Variants in RBP7 observed in about 807,000 individuals in gnomAD.
RBP7 encodes the protein retinoid-binding protein 7.
RBP7 carries 13 observed loss-of-function variants against 16.7 expected under a neutral mutation model. That is an observed-to-expected ratio of 0.78 (90% CI 0.51 to 1.24). The LOEUF is 1.24. Ranked by LOEUF, RBP7 falls within the 50% of genes most tolerant of loss-of-function variation. The probability of loss-of-function intolerance (pLI) is 0.00; values close to 1 mark genes in which losing one functional copy is unlikely to be tolerated. For synonymous variants in RBP7, 54 were observed against 56.2 expected, an observed-to-expected ratio of 0.96 and a Z score of 0.17; for missense variants, 145 against 159.5, an observed-to-expected ratio of 0.91 and a Z score of 0.49.
intron 1 of RBP7, among the ~76,000 whole-genome samples, chr1:10,002,939 G>C (rs912581307): frequency 6.6e-6 from 1 of 152,136 alleles, no homozygotes; most frequent in Non-Finnish European, 1.5e-5. Flanking sequence ...CCAGAAGCGG[G>C]GCTTGGGACA....
At position 10,007,602 on chromosome 1, in the gene RBP7, T is replaced by C. The variant is rs1642482471; in HGVS notation, c.106T>C (p.Leu36=). ...CTTTGCCACTCGTAAAATAGCCAAG[T>C]TGCTGAAGCCACAGAAAGTGATTGA... ...IDFATRKIAK[L]LKPQKVIEQN... is the part of the protein sequence containing the mutation. The change falls in exon 2 of 4, where the codon TTG becomes CTG. Residue 36 remains leucine (L), a synonymous_variant. Coordinates refer to ENST00000294435, the MANE Select transcript of RBP7 (RefSeq NM_052960.3). 6.2e-7 allele frequency: 1 copy of C among 1,612,436 alleles called. No individual in the cohort carries two copies. The highest frequency in any genetic ancestry group is 1.1e-5 in the South Asian group (1 of 90,496).
chr1:10,009,693 A>G (rs1642563264), intron 3 of RBP7, among the ~76,000 whole-genome samples: 1 of 151,292 alleles, frequency 6.6e-6, no homozygotes, highest in Admixed American at 6.6e-5. Context: ...CACCACACCC[A>G]GCTAGTTTTT....
Position 9,997,409 on chromosome 1 carries a change from C to CT in RBP7, c.73+79dup, listed in dbSNP as rs1033677403. 2.6e-5 allele frequency: 37 copies of CT among 1,399,268 alleles called. No homozygotes were observed. The African/African-American group carries it at 5.3e-4, about 20-fold the overall frequency. The allele number at this position is 1,399,268 out of a possible 1,614,324, so 86.7% of individuals were successfully genotyped here. On this transcript the variant is annotated intron_variant, in intron 1 of 3. Transcript: ENST00000294435. The surrounding 1 kb of genome is among the most constrained non-coding windows in gnomAD (Gnocchi z 5.9). ...TCAGGCGAAGGCGGCCGGGCCGGGC[C>CT]TGTAGGTACGTCCTCTGTCCGTGCC... is the stretch of plus-strand genomic sequence containing the variant.
intron 1 of RBP7, chr1:10,004,141 C>T (rs1642357246): frequency 6.9e-6 from 1 of 145,778 alleles, no homozygotes; most frequent in Non-Finnish European, 1.5e-5. Context: ...GGCGGGATCT[C>T]GGCTCACCGC....
intron 3 of RBP7, among the ~76,000 whole-genome samples, chr1:10,012,914 C>G (rs1642666699): frequency 7.7e-6 from 1 of 129,850 alleles, no homozygotes; most frequent in Admixed American, 8.6e-5. Context: ...GCACTCCAGC[C>G]TGGATGACAA....
At chr1:10,001,104 C>T (rs777571073) in intron 1 of RBP7, among the ~76,000 whole-genome samples, 23 of 152,208 alleles carry the variant, frequency 1.5e-4, no homozygotes, top group South Asian at 1.0e-3. Context: ...TCAAATAAGT[C>T]ACCAGCAAAT....
Position 10,007,620 on chromosome 1 carries a change from GTGATTGA to G in RBP7, c.125_131del (p.Val42GlyfsTer15), listed in dbSNP as rs1642482834. ...AGCCAAGTTGCTGAAGCCACAGAAA[GTGATTGA>G]GCAGAATGGGGATTCTTTTACCATC... On this transcript the variant is annotated frameshift_variant, in exon 2 of 4. Coordinates refer to ENST00000294435, the MANE Select transcript of RBP7 (RefSeq NM_052960.3). LOFTEE classifies it high-confidence loss of function. 2 of 1,613,960 alleles carry G rather than the reference GTGATTGA, an allele frequency of 1.2e-6. No individual in the cohort carries two copies. The highest frequency in any genetic ancestry group is 1.7e-6 in the Non-Finnish European group (2 of 1,179,942).
chr1:10,008,906 A>G (rs1557486466), intron 3 of RBP7, among the ~76,000 whole-genome samples: 1 of 152,164 alleles, frequency 6.6e-6, no homozygotes. Context: ...TAGCTACTTT[A>G]TGTATACATA....
rs1642190367 is a variant in RBP7, at chr1:9,997,230, C to T, written c.-29C>T. On this transcript the variant is annotated 5_prime_UTR_variant, in exon 1 of 4. Transcript: ENST00000294435. The surrounding 1 kb of genome is among the most constrained non-coding windows in gnomAD (Gnocchi z 5.9). ...GGTCCCGGCCCGAGCCTCCGGCCGC[C>T]CGCCGGGTTTGTCCCGCGATCCCCG... 2.5e-6 allele frequency: 4 copies of T among 1,605,784 alleles called. No individual in the cohort carries two copies. The highest frequency in any genetic ancestry group is 3.4e-6 in the Non-Finnish European group (4 of 1,176,940).
chr1:10,006,906 G>A, intron 1 of RBP7: 1 of 421,924 alleles, frequency 2.4e-6, no homozygotes, highest in Non-Finnish European at 4.6e-6. Context: ...TTATGACTGA[G>A]GCTGGGTTGG....
chr1:10,011,312 T>A (rs1323571978), intron 3 of RBP7, among the ~76,000 whole-genome samples: 2 of 152,086 alleles, frequency 1.3e-5, no homozygotes, highest in Non-Finnish European at 2.9e-5. Context: ...AACAGGGAAG[T>A]GAGTCTGTAA....
chr1:9,997,734 AG>A lies in RBP7; in HGVS notation c.73+408del, dbSNP rs1379855111. On this transcript the variant is annotated intron_variant, in intron 1 of 3. Coordinates refer to ENST00000294435, the MANE Select transcript of RBP7 (RefSeq NM_052960.3). The surrounding 1 kb of genome is among the most constrained non-coding windows in gnomAD (Gnocchi z 5.9). Reference sequence around the variant, plus strand: ...GCCGGGGAGGGGGGTCCGGCCGGGGAGGGGGCGCCCGGGACCGAAGCCTCTG... The same window carrying A: ...GCCGGGGAGGGGGGTCCGGCCGGGGAGGGGCGCCCGGGACCGAAGCCTCTG... Among the ~76,000 whole-genome samples, 1 of 151,394 alleles carries A rather than the reference AG, an allele frequency of 6.6e-6. No homozygotes were observed. Among genetic ancestry groups the A allele is most frequent in the Non-Finnish European group, 1.5e-5 (1 of 67,798 alleles).
Position 9,997,419 on chromosome 1 carries a change from G to C in RBP7, c.73+88G>C. 1.5e-6 allele frequency: 2 copies of C among 1,299,178 alleles called. No individual in the cohort carries two copies. Among genetic ancestry groups the C allele is most frequent in the South Asian group, 1.2e-5 (1 of 81,998 alleles). 80.5% of individuals were successfully genotyped at this position (1,299,178 alleles called of 1,614,324 possible). On this transcript the variant is annotated intron_variant, in intron 1 of 3. Transcript: ENST00000294435. This position sits in a 1 kb window ranked among gnomAD's most constrained non-coding sequence, Gnocchi z 5.9. Reference sequence around the variant, plus strand: ...GCGGCCGGGCCGGGCCTGTAGGTACGTCCTCTGTCCGTGCCTCCGCCCTGC... The same window carrying C: ...GCGGCCGGGCCGGGCCTGTAGGTACCTCCTCTGTCCGTGCCTCCGCCCTGC...
rs41280782 is a variant in RBP7 at position 10,015,796 on chromosome 1, A to G, written c.369A>G (p.Glu123=). ...GDKLHLEMFC[E]GQVCKQTFQR... is the part of the protein sequence containing the mutation. ...TTACGCCCTAGGAAATGTTCTGTGA[A>G]GGTCAAGTGTGCAAACAGACATTCC... is the stretch of plus-strand genomic sequence containing the variant. The change falls in exon 4 of 4, where the codon GAA becomes GAG. Residue 123 remains glutamate (E), a synonymous_variant. Coordinates refer to ENST00000294435, the MANE Select transcript of RBP7 (RefSeq NM_052960.3). 1.8e-5 allele frequency: 29 copies of G among 1,614,162 alleles called. No homozygotes were observed. The highest frequency in any genetic ancestry group is 2.4e-5 in the Non-Finnish European group (28 of 1,180,002).
chr1:10,002,190 T>C (rs2101732890), intron 1 of RBP7, among the ~76,000 whole-genome samples: 1 of 152,254 alleles, frequency 6.6e-6, no homozygotes, highest in Non-Finnish European at 1.5e-5. Context: ...AGATTAGAAG[T>C]GGCTTTGAGA....
At chr1:10,008,330 G>A in intron 3 of RBP7, 56 bp downstream of exon 3, 2 of 1,196,056 alleles carry the variant, frequency 1.7e-6, no homozygotes, top group Non-Finnish European at 1.2e-6. Flanking sequence ...GAAACATCAG[G>A]CCAAGCGTGG....
chr1:9,998,914 G>T (rs1197121988), intron 1 of RBP7, among the ~76,000 whole-genome samples: 4 of 152,102 alleles, frequency 2.6e-5, no homozygotes, highest in African/African-American at 9.7e-5. Flanking sequence ...GTCTGAGGGG[G>T]ACCTTCCTGC....
At chr1:10,010,440 A>T (rs1442298863) in intron 3 of RBP7, among the ~76,000 whole-genome samples, 1 of 150,820 alleles carries the variant, frequency 6.6e-6, no homozygotes, top group Non-Finnish European at 1.5e-5. Context: ...TTTTTGAGAC[A>T]GAGTCTCCCT....
chr1:10,010,816 T>C (rs780300629), intron 3 of RBP7, among the ~76,000 whole-genome samples: 2 of 151,988 alleles, frequency 1.3e-5, no homozygotes, highest in African/African-American at 2.4e-5. Context: ...ACTCCCGACC[T>C]CAGGTGATCC....
Sources: allele counts gnomAD v4.1 joint callset (sites outside exome capture counted in the v4.1 genomes callset), GRCh38; gene constraint gnomAD v4.1.1; non-coding constraint Gnocchi (gnomAD v3.1); transcripts MANE v1.5; gene names NCBI Gene and HGNC (gene_info 2026-07-23, HGNC 2026-07-21).